The following DRAM2 variants were observed in gnomAD, a reference collection of about 807,000 sequenced individuals.
DRAM2 encodes DNA damage regulated autophagy modulator 2.
In DRAM2, 26 loss-of-function variants were observed where a neutral mutation model predicts 33.5. The ratio of observed to expected loss-of-function variants is 0.78; its 90% CI spans 0.57 to 1.08. The LOEUF is 1.08. Among genes scored for constraint, DRAM2 ranks in the 50% least tolerant of loss-of-function variants. The pLI, the probability that DRAM2 is intolerant of heterozygous loss-of-function variation, is 0.00. For synonymous variants in DRAM2, 98 were observed against 109.5 expected (o/e 0.89, Z 0.66); for missense variants, 311 against 318.1 (o/e 0.98, Z 0.17).
intron 8 of DRAM2, 197 bp downstream of exon 8, chr1:111,119,680 A>G (rs1649584156): frequency 3.6e-6 from 2 of 551,526 alleles, no homozygotes; most frequent in Non-Finnish European, 6.4e-6. Context: ...TTTTGACAAT[A>G]TCTACAGATC....
intron 6 of DRAM2, among the ~76,000 whole-genome samples, chr1:111,122,105 GTT>G (rs1340883180): frequency 6.6e-6 from 1 of 152,062 alleles, no homozygotes; most frequent in Non-Finnish European, 1.5e-5. Context: ...AGATCTTTGA[GTT>G]AGTTAGGCAG....
At chr1:111,128,854 T>G (rs1651529953) in intron 4 of DRAM2, among the ~76,000 whole-genome samples, 1 of 152,172 alleles carries the variant, frequency 6.6e-6, no homozygotes, top group African/African-American at 2.4e-5. Flanking sequence ...AGACAAGTTC[T>G]CAGATGGAGA....
At chr1:111,130,699 C>CAA (rs1252596900) in intron 4 of DRAM2, among the ~76,000 whole-genome samples, 4 of 101,020 alleles carry the variant, frequency 4.0e-5, no homozygotes, top group South Asian at 3.1e-4. Flanking sequence ...GATTCCATCT[C>CAA]AAAAAAAAAA....
chr1:111,134,132 G>C (rs1652682172), intron 3 of DRAM2, among the ~76,000 whole-genome samples: 1 of 152,184 alleles, frequency 6.6e-6, no homozygotes, highest in Non-Finnish European at 1.5e-5. Flanking sequence ...TTGAATTCCA[G>C]ATTAAGGATG....
Position 111,120,650 on chromosome 1 carries a change from G to A in DRAM2, c.383C>T (p.Thr128Ile), listed in dbSNP as rs1649872928. ...CATATATAATGAGCCCATACCAAAG[G>A]TAAGCACAGCTCCACTTACATGTGC... is the stretch of plus-strand genomic sequence containing the variant. Reference protein sequence around the residue: ...FAAHVSGAVLTFGMGSLYMFV... With the variant: ...FAAHVSGAVLIFGMGSLYMFV... Residue 128 changes from threonine to isoleucine, a missense_variant, in exon 7 of 10, where the codon ACC becomes ATC. Thr to Ile is a moderately conservative substitution (Grantham distance 89). Transcript: ENST00000484310. The A allele has an allele frequency of 1.2e-6, 2 of 1,603,380 alleles. No individual in the cohort carries two copies. Among genetic ancestry groups the A allele is most frequent in the Non-Finnish European group, 1.7e-6 (2 of 1,174,590 alleles).
Position 111,120,526 on chromosome 1 carries a change from A to C in DRAM2, c.507T>G (p.Ser169Arg). The C allele has an allele frequency of 6.2e-7, 1 of 1,603,962 alleles. No individual in the cohort carries two copies. Among genetic ancestry groups the C allele is most frequent in the Non-Finnish European group, 8.5e-7 (1 of 1,175,314 alleles). ...TACAGTGAAGGATACTGCTAAGTGC[A>C]CTTACTCCACACCAGATAACCAACA... ...RLLLVIWCGV[S>R]ALSMLTCSSV... Residue 169 changes from serine (S) to arginine (R), a missense_variant, in exon 7 of 10, where the codon AGT (serine) becomes AGG (arginine). By Grantham distance (110) the Ser-to-Arg change is moderately radical (BLOSUM62 -1). Coordinates refer to ENST00000484310, the MANE Select transcript of DRAM2 (RefSeq NM_001349884.2).
rs1654114582 is a variant in DRAM2, at chr1:111,139,641, G to A, written c.-219C>T. Reference sequence around the variant, plus strand: ...CTCCGGAAGCGCGAAGCACTAGGCCGTTTGAGGATCTCCGCTCCGCTTTGC... The same window carrying A: ...CTCCGGAAGCGCGAAGCACTAGGCCATTTGAGGATCTCCGCTCCGCTTTGC... On this transcript the variant is annotated 5_prime_UTR_variant, in exon 2 of 10. It adds an upstream start codon to the 5' untranslated region. Transcript: ENST00000484310. 1 of 152,310 alleles carries A rather than the reference G, an allele frequency of 6.6e-6. No individual in the cohort carries two copies. The highest frequency in any genetic ancestry group is 1.5e-5 in the Non-Finnish European group (1 of 68,090). The allele number at this position is 152,310 out of a possible 1,614,324, so 9.4% of individuals were successfully genotyped here.
intron 6 of DRAM2, among the ~76,000 whole-genome samples, chr1:111,122,980 C>A (rs1212628639): frequency 6.6e-6 from 1 of 152,106 alleles, no homozygotes; most frequent in East Asian, 1.9e-4. Flanking sequence ...TGGGTGCTAT[C>A]AAGAACTGCT....
At chr1:111,132,338 A>G (rs1056761392) in intron 3 of DRAM2, among the ~76,000 whole-genome samples, 4 of 152,218 alleles carry the variant, frequency 2.6e-5, no homozygotes, top group Non-Finnish European at 2.9e-5. Flanking sequence ...TCTGGTAAAT[A>G]TAAGCATTTC....
At chr1:111,135,634 CTT>C (rs1173120600) in intron 3 of DRAM2, among the ~76,000 whole-genome samples, 1 of 152,182 alleles carries the variant, frequency 6.6e-6, no homozygotes, top group Non-Finnish European at 1.5e-5. Context: ...CTAAATCCTT[CTT>C]TTTCTTCAAA....
At position 111,139,541 on chromosome 1, in the gene DRAM2, C is replaced by A. The variant is rs2101167365; in HGVS notation, c.-119G>T. The A allele has an allele frequency of 6.6e-6, 1 of 152,396 alleles. No individual in the cohort carries two copies. The highest frequency in any genetic ancestry group is 1.9e-4 in the East Asian group (1 of 5,188). 9.4% of individuals were successfully genotyped at this position (152,396 alleles called of 1,614,324 possible). A position where few individuals can be genotyped will look rare whatever the true frequency, so the allele number is the denominator to read the frequency against. On this transcript the variant is annotated 5_prime_UTR_variant, in exon 2 of 10. Coordinates refer to ENST00000484310, the MANE Select transcript of DRAM2 (RefSeq NM_001349884.2). ...TCAACAGGAACGTGTACTCAATTAGCTTTTGTGGGAAAGGGTTGAAGATTC... is the reference window on the plus strand; with the variant it reads ...TCAACAGGAACGTGTACTCAATTAGATTTTGTGGGAAAGGGTTGAAGATTC...
At chr1:111,126,433 T>C (rs970165879) in intron 4 of DRAM2, 139 bp from the exon 5 acceptor site, 1 of 549,022 alleles carries the variant, frequency 1.8e-6, no homozygotes, top group Non-Finnish European at 3.4e-6. Context: ...TATCATTTTA[T>C]ACAGAGAACA....
At position 111,121,883 on chromosome 1, in the gene DRAM2, A is replaced by G. The variant is rs185646089; in HGVS notation, c.340-1190T>C. On this transcript the variant is annotated intron_variant, in intron 6 of 9. Coordinates refer to ENST00000484310, the MANE Select transcript of DRAM2 (RefSeq NM_001349884.2). ...GTGCTTATAATTAATAAAGAAATACATCAACTAAAAAATAAAAATAATAAA... is the reference window on the plus strand; with the variant it reads ...GTGCTTATAATTAATAAAGAAATACGTCAACTAAAAAATAAAAATAATAAA... Among the ~76,000 whole-genome samples, 494 of 152,240 alleles carry G rather than the reference A, an allele frequency of 3.2e-3. 2 individuals are homozygous for G. Among genetic ancestry groups the G allele is most frequent in the Admixed American group, 5.4e-3 (83 of 15,270 alleles).
intron 3 of DRAM2, among the ~76,000 whole-genome samples, chr1:111,132,121 G>A (rs1263317891): frequency 6.6e-6 from 1 of 152,188 alleles, no homozygotes. Flanking sequence ...TGGACGTTCA[G>A]TCCTCCATCC....
At chr1:111,128,141 T>TC (rs1458889731) in intron 4 of DRAM2, 1 of 148,610 alleles carries the variant, frequency 6.7e-6, no homozygotes, top group African/African-American at 2.5e-5. Context: ...TTTCTTTTTT[T>TC]TTTTTTTTTT....
intron 4 of DRAM2, among the ~76,000 whole-genome samples, chr1:111,129,834 A>C (rs1571048735): frequency 6.6e-6 from 1 of 152,208 alleles, no homozygotes; most frequent in East Asian, 1.9e-4. Context: ...AGTGAGAAAG[A>C]ACGAGAAAAA....
chr1:111,130,043 A>C (rs1043576830), intron 4 of DRAM2, among the ~76,000 whole-genome samples: 1 of 145,422 alleles, frequency 6.9e-6, no homozygotes, highest in African/African-American at 2.5e-5. Context: ...ATTTTAAAAA[A>C]AGAGGGTTAT....
chr1:111,131,800 A>G (rs1338532506), intron 3 of DRAM2, among the ~76,000 whole-genome samples: 1 of 152,222 alleles, frequency 6.6e-6, no homozygotes, highest in Non-Finnish European at 1.5e-5. Context: ...CTTCCCATGG[A>G]AAGTACCAAG....
intron 2 of DRAM2, chr1:111,139,182 A>G (rs1168006828): frequency 6.6e-6 from 1 of 152,252 alleles, no homozygotes; most frequent in East Asian, 1.9e-4. Context: ...ACATTAAGAG[A>G]AATGAGGACA....
Sources: gnomAD v4.1 joint callset for allele counts (sites outside exome capture counted in the v4.1 genomes callset) on GRCh38, gnomAD v4.1.1 for gene constraint, MANE v1.5 for transcripts, NCBI Gene and HGNC (gene_info 2026-07-23, HGNC 2026-07-21) for gene names.